DPF3: variants seen among roughly 807,000 people sequenced by gnomAD.
DPF3 encodes the protein zinc finger protein DPF3.
DPF3 carries 18 observed loss-of-function variants against 56.8 expected under a neutral mutation model. That is an observed-to-expected ratio of 0.32 (90% CI 0.22 to 0.47). The LOEUF (loss-of-function observed/expected upper bound fraction) is 0.47, where lower values mean the gene tolerates loss of function less well. Among genes scored for constraint, DPF3 ranks in the 20% least tolerant of loss-of-function variants. The pLI is 1.00. For synonymous variants in DPF3, 188 were observed against 180.2 expected, an observed-to-expected ratio of 1.04 and a Z score of -0.35; for missense variants, 403 against 488.8, an observed-to-expected ratio of 0.82 and a Z score of 1.65.
intron 1 of DPF3, among the ~76,000 whole-genome samples, chr14:72,826,499 C>T (rs570521136): frequency 1.6e-4 from 25 of 152,290 alleles, no homozygotes; most frequent in South Asian, 4.1e-4. Context: ...AGAAAATTGC[C>T]TCTATCCTGA....
At chr14:72,793,848 C>A (rs1289022774) in intron 1 of DPF3, among the ~76,000 whole-genome samples, 1 of 152,234 alleles carries the variant, frequency 6.6e-6, no homozygotes, top group Non-Finnish European at 1.5e-5. Context: ...GTGATCCTTG[C>A]ACCTTCAAGA....
intron 1 of DPF3, among the ~76,000 whole-genome samples, chr14:72,881,847 T>C (rs946447203): frequency 3.3e-5 from 5 of 152,034 alleles, no homozygotes; most frequent in Admixed American, 2.6e-4. Flanking sequence ...TGATGGCAAA[T>C]TGAACACAGT....
At chr14:72,639,997 G>A (rs1378022204) in intron 8 of DPF3, among the ~76,000 whole-genome samples, 2 of 137,304 alleles carry the variant, frequency 1.5e-5, no homozygotes, top group Non-Finnish European at 3.0e-5. Flanking sequence ...CCACTGAGAG[G>A]AGGTAGCTTT....
intron 7 of DPF3, among the ~76,000 whole-genome samples, chr14:72,688,334 G>T (rs1356386392): frequency 6.7e-6 from 1 of 149,460 alleles, no homozygotes; most frequent in Admixed American, 6.7e-5. Context: ...TGGATGGATC[G>T]ATGACGTATA....
At chr14:72,785,151 T>C (rs1438761482) in intron 1 of DPF3, among the ~76,000 whole-genome samples, 1 of 152,090 alleles carries the variant, frequency 6.6e-6, no homozygotes, top group African/African-American at 2.4e-5. Context: ...AAAAATGTTT[T>C]AATGAAGAAG....
intron 6 of DPF3, among the ~76,000 whole-genome samples, chr14:72,705,258 C>A (rs575265692): frequency 1.2e-4 from 19 of 152,142 alleles, no homozygotes; most frequent in Middle Eastern, 6.8e-3. Flanking sequence ...GCAAACTGCA[C>A]ATGCAAGAGA....
intron 3 of DPF3, among the ~76,000 whole-genome samples, chr14:72,734,263 T>C (rs756227052): frequency 5.9e-4 from 90 of 152,190 alleles, no homozygotes; most frequent in Non-Finnish European, 1.1e-3. Flanking sequence ...TGTGAAAGAA[T>C]ATAGGTAACG....
intron 1 of DPF3, chr14:72,892,572 G>A: frequency 7.7e-7 from 1 of 1,307,098 alleles, no homozygotes; most frequent in Non-Finnish European, 9.7e-7. Flanking sequence ...GCATTCCTTT[G>A]CGTTAGGAAC....
At chr14:72,835,370 A>T (rs1884248480) in intron 1 of DPF3, among the ~76,000 whole-genome samples, 1 of 152,172 alleles carries the variant, frequency 6.6e-6, no homozygotes, top group Non-Finnish European at 1.5e-5. Context: ...CCAGGCCAGG[A>T]TTTCTTTGTA....
intron 1 of DPF3, among the ~76,000 whole-genome samples, chr14:72,787,489 G>A (rs370733040): frequency 2.0e-5 from 3 of 152,132 alleles, no homozygotes; most frequent in East Asian, 1.9e-4. Context: ...GGCCAACCAC[G>A]TGGCACCCGG....
intron 1 of DPF3, among the ~76,000 whole-genome samples, chr14:72,866,241 T>C (rs1885658245): frequency 6.6e-6 from 1 of 151,246 alleles, no homozygotes; most frequent in South Asian, 2.1e-4. Flanking sequence ...TGAGGTCACC[T>C]CAGTCTGTTC....
At chr14:72,764,928 G>A (rs527757142) in intron 2 of DPF3, among the ~76,000 whole-genome samples, 1 of 152,316 alleles carries the variant, frequency 6.6e-6, no homozygotes, top group East Asian at 1.9e-4. Flanking sequence ...GCTGTGGGCT[G>A]AGCCCTTAGT....
At chr14:72,635,347 G>C (rs1404409717) in intron 8 of DPF3, among the ~76,000 whole-genome samples, 1 of 152,230 alleles carries the variant, frequency 6.6e-6, no homozygotes. Context: ...AGGCATCTGA[G>C]AGCAGTGACA....
chr14:72,826,811 C>T (rs12433676), intron 1 of DPF3, among the ~76,000 whole-genome samples: 12,821 of 152,050 alleles, frequency 0.084, 742 homozygotes, highest in South Asian at 0.18. Context: ...GGGAGGCAGA[C>T]GTGGGTGGAT....
In DPF3 at chr14:72,676,208, T is replaced by C. The variant is rs375141455; in HGVS notation, c.743-1840A>G. 5.3e-5 allele frequency among the ~76,000 whole-genome samples: 8 copies of C among 152,320 alleles called. No homozygotes were observed. In the East Asian group the frequency reaches 5.8e-4, roughly 11 times the overall value. On this transcript the variant is annotated intron_variant, in intron 7 of 10. Transcript: ENST00000556509. ...AACCAAAGTTAAGTGTCATGATTGA[T>C]ATGAGCTAGATATAAAATGTGGAGA...
intron 6 of DPF3, among the ~76,000 whole-genome samples, chr14:72,707,120 TC>T (rs1183987820): frequency 6.6e-6 from 1 of 152,110 alleles, no homozygotes; most frequent in Non-Finnish European, 1.5e-5. Context: ...AATGATGGTT[TC>T]CAATTTCATC....
chr14:72,747,696 C>T (rs1890384179), intron 3 of DPF3, among the ~76,000 whole-genome samples: 1 of 151,650 alleles, frequency 6.6e-6, no homozygotes, highest in Non-Finnish European at 1.5e-5. Flanking sequence ...CATCTTGTAG[C>T]TCCCATAATT....
chr14:72,666,148 AG>A (rs1054226137), intron 8 of DPF3, among the ~76,000 whole-genome samples: 5 of 152,164 alleles, frequency 3.3e-5, no homozygotes, highest in African/African-American at 1.2e-4. Context: ...TTGTGTTAGA[AG>A]CAATTGGGTT....
intron 1 of DPF3, among the ~76,000 whole-genome samples, chr14:72,810,563 A>C (rs529271613): frequency 6.6e-6 from 1 of 152,156 alleles, no homozygotes; most frequent in East Asian, 1.9e-4. Flanking sequence ...GGTCTCACAC[A>C]CAAATGGCAT....
Sources: allele counts gnomAD v4.1 joint callset (sites outside exome capture counted in the v4.1 genomes callset), GRCh38; gene constraint gnomAD v4.1.1; transcripts MANE v1.5; gene names NCBI Gene and HGNC (gene_info 2026-07-23, HGNC 2026-07-21).